RAD21L1: variants seen among roughly 807,000 people sequenced by gnomAD.
RAD21L1 encodes double-strand-break repair protein rad21-like protein 1.
In RAD21L1, 47 loss-of-function variants were observed where a neutral mutation model predicts 69.0. The observed-to-expected ratio is 0.68, with a 90% CI of 0.54 to 0.87. The LOEUF is 0.87. RAD21L1 is among the 40% of genes least tolerant of loss of function. RAD21L1 has a pLI of 0.00. For missense variants in RAD21L1, 583 were observed against 647.6 expected (o/e 0.90, Z 1.08); for synonymous variants, 177 against 205.8 (o/e 0.86, Z 1.20).
At chr20:1,229,080 C>T (rs1476272841) in intron 2 of RAD21L1, among the ~76,000 whole-genome samples, 1 of 152,174 alleles carries the variant, frequency 6.6e-6, no homozygotes, top group African/African-American at 2.4e-5. Flanking sequence ...TATTTTTCAA[C>T]TTTAGAGAAG....
chr20:1,253,519 A>G (rs1478522861), intron 13 of RAD21L1, among the ~76,000 whole-genome samples: 1 of 151,926 alleles, frequency 6.6e-6, no homozygotes, highest in Non-Finnish European at 1.5e-5. Flanking sequence ...CTGGTCTCGA[A>G]CTCTTGACTG....
In RAD21L1 at chr20:1,254,637, A is replaced by G. The variant is rs2087900673; in HGVS notation, c.*180A>G. Reference sequence around the variant, plus strand: ...AGAATTGGAAACCTACATGCTTACAAAGAAATACTTTAAATTCTGTTTTGT... The same window carrying G: ...AGAATTGGAAACCTACATGCTTACAGAGAAATACTTTAAATTCTGTTTTGT... On this transcript the variant is annotated 3_prime_UTR_variant, in exon 14 of 14. Coordinates refer to ENST00000683101, the MANE Select transcript of RAD21L1 (RefSeq NM_001384355.1). 7.2e-6 allele frequency: 3 copies of G among 415,866 alleles called. No individual in the cohort carries two copies. Among genetic ancestry groups the G allele is most frequent in the Non-Finnish European group, 1.3e-5 (3 of 238,606 alleles). The allele number at this position is 415,866 out of a possible 1,614,324, so 25.8% of individuals were successfully genotyped here. A position where few individuals can be genotyped will look rare whatever the true frequency, so the allele number is the denominator to read the frequency against.
intron 9 of RAD21L1, 29 bp from the exon 10 acceptor site, chr20:1,243,067 CA>C (rs1206193651): frequency 2.3e-5 from 32 of 1,386,526 alleles, no homozygotes; most frequent in Admixed American, 5.4e-5. Context: ...GGTACAAAAA[CA>C]AAAAAAACAA....
In RAD21L1 at chr20:1,254,389, G is replaced by A. The variant is rs1253920802; in HGVS notation, c.1600G>A (p.Glu534Lys). Residue 534 changes from glutamate to lysine, a missense_variant, in exon 14 of 14, where the codon GAG becomes AAG. Transcript: ENST00000683101. ...TGTCCTAAAGAAACAGCTGGCTATTGAGCTGAGCCAGAGTGCTCCCTATGC... is the reference window on the plus strand; with the variant it reads ...TGTCCTAAAGAAACAGCTGGCTATTAAGCTGAGCCAGAGTGCTCCCTATGC... ...FLVLKKQLAI[E>K]LSQSAPYADI... 4 of 1,551,246 alleles carry A rather than the reference G, an allele frequency of 2.6e-6. No individual in the cohort carries two copies. The highest frequency in any genetic ancestry group is 1.4e-5 in the African/African-American group (1 of 73,032).
chr20:1,235,772 CTTT>C (rs11475976), intron 5 of RAD21L1, among the ~76,000 whole-genome samples: 2 of 145,968 alleles, frequency 1.4e-5, no homozygotes, highest in Non-Finnish European at 3.0e-5. Context: ...TTTAGGATCA[CTTT>C]TTTTTTTTTT....
chr20:1,253,002 C>A (rs912676639), intron 13 of RAD21L1, among the ~76,000 whole-genome samples: 1 of 152,076 alleles, frequency 6.6e-6, no homozygotes, highest in African/African-American at 2.4e-5. Context: ...CAAAATAATT[C>A]TTGAAATTGA....
intron 8 of RAD21L1, 60 bp from the exon 9 acceptor site, chr20:1,242,559 T>C: frequency 7.6e-7 from 1 of 1,308,960 alleles, no homozygotes. Flanking sequence ...ATTTAGTGCC[T>C]ACAATATGAT....
chr20:1,246,182 T>G lies in RAD21L1; in HGVS notation c.1309-31T>G. On this transcript the variant is annotated intron_variant, in intron 11 of 13. Transcript: ENST00000683101. This position sits in a 1 kb window ranked among gnomAD's most constrained non-coding sequence, Gnocchi z 4.6. ...TGTTCCTGTATAACCACTGGCAGAT[T>G]TACCTAACTTTCCCTAATTTGCTTC... 1.5e-6 allele frequency: 2 copies of G among 1,307,240 alleles called. No individual in the cohort carries two copies. The highest frequency in any genetic ancestry group is 2.1e-6 in the Non-Finnish European group (2 of 944,080). The allele number at this position is 1,307,240 out of a possible 1,614,324, so 81.0% of individuals were successfully genotyped here.
chr20:1,244,562 A>C (rs1423458869), intron 11 of RAD21L1, among the ~76,000 whole-genome samples: 1 of 152,170 alleles, frequency 6.6e-6, no homozygotes, highest in Non-Finnish European at 1.5e-5. Flanking sequence ...AGTATCTCTA[A>C]GAATAATATA....
chr20:1,241,864 A>T (rs1390297825), intron 8 of RAD21L1, among the ~76,000 whole-genome samples: 3 of 152,230 alleles, frequency 2.0e-5, no homozygotes, highest in African/African-American at 4.8e-5. Context: ...TTACAGCTTT[A>T]CTAAAGAAAA....
chr20:1,242,629 GA>G lies in RAD21L1; in HGVS notation c.871del (p.Arg291GlyfsTer10). Reference protein sequence around the residue: ...DPIDISDIAEKRKGKKRRLLI... With the variant: ...DPIDISDIAEXRKGKKRRLLI... ...ATTTCTTATATTTAGACATTGCTGA[GA>G]AAAGGAAAGGCAAAAAGAGGAGATT... On this transcript the variant is annotated frameshift_variant, in exon 9 of 14. Transcript: ENST00000683101. LOFTEE classifies it high-confidence loss of function. 6.5e-7 allele frequency: 1 copy of G among 1,550,338 alleles called. No individual in the cohort carries two copies. The highest frequency in any genetic ancestry group is 8.7e-7 in the Non-Finnish European group (1 of 1,145,804).
intron 13 of RAD21L1, among the ~76,000 whole-genome samples, chr20:1,249,985 C>T (rs975180084): frequency 2.0e-5 from 3 of 149,786 alleles, no homozygotes; most frequent in Admixed American, 1.3e-4. Context: ...AGGTATATCT[C>T]CTAATGCTAT....
intron 1 of RAD21L1, among the ~76,000 whole-genome samples, chr20:1,227,415 A>G (rs956088020): frequency 2.6e-5 from 4 of 152,230 alleles, no homozygotes; most frequent in Non-Finnish European, 4.4e-5. Context: ...TTGGGGCATA[A>G]TGATTGAATT....
chr20:1,233,656 T>G lies in RAD21L1; in HGVS notation c.369-429T>G, dbSNP rs751176108. On this transcript the variant is annotated intron_variant, in intron 4 of 13. Coordinates refer to ENST00000683101, the MANE Select transcript of RAD21L1 (RefSeq NM_001384355.1). ...AGATGGCAACCTTCTCACCGTATTCTCACATGGTAGATTGAGGCAGCTTCC... is the reference window on the plus strand; with the variant it reads ...AGATGGCAACCTTCTCACCGTATTCGCACATGGTAGATTGAGGCAGCTTCC... 3.9e-5 allele frequency among the ~76,000 whole-genome samples: 6 copies of G among 152,262 alleles called. No homozygotes were observed. In the Middle Eastern group the frequency reaches 0.014, roughly 345 times the overall value.
At chr20:1,234,508 C>T (rs2087456509) in intron 5 of RAD21L1, among the ~76,000 whole-genome samples, 1 of 152,088 alleles carries the variant, frequency 6.6e-6, no homozygotes, top group Non-Finnish European at 1.5e-5. Flanking sequence ...GAGAGAGACA[C>T]ATAAATAAAC....
intron 12 of RAD21L1, among the ~76,000 whole-genome samples, chr20:1,247,884 C>T (rs940357785): frequency 9.9e-5 from 15 of 151,824 alleles, no homozygotes; most frequent in Admixed American, 2.6e-4. Flanking sequence ...GTGCCACTTC[C>T]CTTCCCCCAA....
At position 1,246,292 on chromosome 20, in the gene RAD21L1, G is replaced by A; in HGVS notation, c.1388G>A (p.Ser463Asn). Residue 463 changes from serine (S) to asparagine (N), a missense_variant, in exon 12 of 14, where the codon AGT becomes AAT. Coordinates refer to ENST00000683101, the MANE Select transcript of RAD21L1 (RefSeq NM_001384355.1). The surrounding 1 kb of genome is among the most constrained non-coding windows in gnomAD (Gnocchi z 4.6). ...TTATTTGCACAAGAAATTGAATATA[G>A]TCCAGTTGAATTGGTAAATATATGT... Reference protein sequence around the residue: ...NDLFAQEIEYSPVELESLSNE... With the variant: ...NDLFAQEIEYNPVELESLSNE... The A allele has an allele frequency of 1.3e-6, 2 of 1,507,582 alleles. No individual in the cohort carries two copies. The highest frequency in any genetic ancestry group is 2.5e-5 in the East Asian group (1 of 39,498). The allele number at this position is 1,507,582 out of a possible 1,614,324, so 93.4% of individuals were successfully genotyped here.
chr20:1,253,360 G>C (rs2087873968), intron 13 of RAD21L1, among the ~76,000 whole-genome samples: 1 of 152,064 alleles, frequency 6.6e-6, no homozygotes, highest in Non-Finnish European at 1.5e-5. Context: ...GCAGTGGCAT[G>C]ATCTCGGCTC....
intron 3 of RAD21L1, chr20:1,230,619 T>C: frequency 3.1e-6 from 1 of 323,322 alleles, no homozygotes; most frequent in Non-Finnish European, 4.4e-6. Context: ...AAGGTCTTTG[T>C]CATAATTATT....
Sources: gnomAD v4.1 joint callset for allele counts (sites outside exome capture counted in the v4.1 genomes callset) on GRCh38, gnomAD v4.1.1 for gene constraint, Gnocchi (gnomAD v3.1) non-coding constraint, MANE v1.5 for transcripts, NCBI Gene and HGNC (gene_info 2026-07-23, HGNC 2026-07-21) for gene names.